The following DYNC2H1 variants were observed in gnomAD, a reference collection of about 807,000 sequenced individuals.
The protein encoded by DYNC2H1 is dynein cytoplasmic 2 heavy chain 1.
DYNC2H1 carries 410 observed loss-of-function variants against 570.0 expected under a neutral mutation model. The observed-to-expected ratio is 0.72, with a 90% CI of 0.66 to 0.78. DYNC2H1 has a LOEUF of 0.78. Among genes scored for constraint, DYNC2H1 ranks in the 30% least tolerant of loss-of-function variants. The pLI is 0.00. For synonymous variants in DYNC2H1, 1,688 were observed against 1,677.6 expected (o/e 1.01, Z -0.15); for missense variants, 4,865 against 5,046.4 (o/e 0.96, Z 1.09).
chr11:103,171,711 G>A (rs1339933222), intron 34 of DYNC2H1, among the ~76,000 whole-genome samples: 1 of 152,216 alleles, frequency 6.6e-6, no homozygotes, highest in South Asian at 2.1e-4. Context: ...TGAAGTAGGT[G>A]CTATTATTTT....
chr11:103,110,976 G>A (rs1382670695), intron 1 of DYNC2H1, among the ~76,000 whole-genome samples: 2 of 152,124 alleles, frequency 1.3e-5, no homozygotes, highest in African/African-American at 4.8e-5. Context: ...CAGGGCATGT[G>A]CCACCACACC....
chr11:103,154,510 C>G lies in DYNC2H1; in HGVS notation c.3362C>G (p.Ser1121Cys). 1 of 1,574,196 alleles carries G rather than the reference C, an allele frequency of 6.4e-7. No individual in the cohort carries two copies. Among genetic ancestry groups the G allele is most frequent in the Non-Finnish European group, 8.6e-7 (1 of 1,159,694 alleles). ...AATTTCTCCCTGGCAAGTAGTATCT[C>G]TAAAGATATCGAGAGCTGTGCCCAA... ...EPNFSLASSI[S>C]KDIESCAQIW... Residue 1121 changes from serine to cysteine, a missense_variant, in exon 23 of 89, where the codon TCT becomes TGT. Around this residue, in one of 5 missense-constraint regions of DYNC2H1, gnomAD observed 1,936 missense variants for 1,962.1 expected, o/e 0.99. Coordinates refer to ENST00000375735, the MANE Select transcript of DYNC2H1 (RefSeq NM_001377.3).
chr11:103,399,917 G>A (rs771707548), intron 84 of DYNC2H1, 45 bp downstream of exon 84: 25 of 1,490,856 alleles, frequency 1.7e-5, no homozygotes, highest in Non-Finnish European at 2.3e-5. Flanking sequence ...ATTGTTATAA[G>A]TGACTCCTCC....
At chr11:103,400,815 C>A (rs1176997694) in intron 84 of DYNC2H1, among the ~76,000 whole-genome samples, 1 of 152,108 alleles carries the variant, frequency 6.6e-6, no homozygotes, top group African/African-American at 2.4e-5. Context: ...TGCTTTTCTA[C>A]ATATACAGAA....
At chr11:103,179,265 TAGA>T in intron 39 of DYNC2H1, 32 bp downstream of exon 39, 1 of 1,575,564 alleles carries the variant, frequency 6.3e-7, no homozygotes, top group Non-Finnish European at 8.7e-7. Flanking sequence ...TACAGTATAT[TAGA>T]ATATTCTTTT....
Position 103,177,793 on chromosome 11 carries a change from G to A in DYNC2H1, c.6112G>A (p.Ala2038Thr). Reference sequence around the variant, plus strand: ...GTCTGATGGTGTTTTGACAAATAGTGCTCGTCAAGTGGTTCGGGAACCTCA... The same window carrying A: ...GTCTGATGGTGTTTTGACAAATAGTACTCGTCAAGTGGTTCGGGAACCTCA... ...EWSDGVLTNS[A>T]RQVVREPQDV... Residue 2038 changes from alanine to threonine, a missense_variant, in exon 38 of 89, where the codon GCT becomes ACT. This residue lies in a region of DYNC2H1 where 231 missense variants were observed against 310.3 expected (regional missense o/e 0.74). Coordinates refer to ENST00000375735, the MANE Select transcript of DYNC2H1 (RefSeq NM_001377.3). This position sits in a 1 kb window ranked among gnomAD's most constrained non-coding sequence, Gnocchi z 4.4. The A allele has an allele frequency of 6.2e-7, 1 of 1,611,754 alleles. No homozygotes were observed. The highest frequency in any genetic ancestry group is 8.5e-7 in the Non-Finnish European group (1 of 1,179,064).
rs377619356 is a variant in DYNC2H1, at chr11:103,269,167, T to C, written c.10695+9190T>C. ...TTCTATTGTGAACATGTGAAAATCATTTTTAAAAAGCTATTTTTAAGACAT... is the reference window on the plus strand; with the variant it reads ...TTCTATTGTGAACATGTGAAAATCACTTTTAAAAAGCTATTTTTAAGACAT... On this transcript the variant is annotated intron_variant, in intron 70 of 88. Transcript: ENST00000375735. Among the ~76,000 whole-genome samples, 4 of 152,320 alleles carry C rather than the reference T, an allele frequency of 2.6e-5. No homozygotes were observed. The East Asian group carries it at 7.7e-4, about 29-fold the overall frequency.
In DYNC2H1 at chr11:103,407,503, G is replaced by A. The variant is rs373859210; in HGVS notation, c.12366+7631G>A. ...ATTGAGACATATGCAGAATGCTAGC[G>A]TAAGTGGTAGAAAATTTTTTCATAG... On this transcript the variant is annotated intron_variant, in intron 84 of 88. Coordinates refer to ENST00000375735, the MANE Select transcript of DYNC2H1 (RefSeq NM_001377.3). 1.2e-4 allele frequency: 18 copies of A among 152,026 alleles called. No individual in the cohort carries two copies. In the East Asian group the frequency reaches 2.1e-3, roughly 18 times the overall value. 9.4% of individuals were successfully genotyped at this position (152,026 alleles called of 1,614,324 possible). A position where few individuals can be genotyped will look rare whatever the true frequency, so the allele number is the denominator to read the frequency against.
chr11:103,386,352 C>G (rs61896837), intron 83 of DYNC2H1, among the ~76,000 whole-genome samples: 1 of 151,912 alleles, frequency 6.6e-6, no homozygotes, highest in African/African-American at 2.4e-5. Context: ...TCTACAGTAG[C>G]TGTTGAAATG....
In DYNC2H1 at chr11:103,115,194, G is replaced by A. The variant is rs757134411; in HGVS notation, c.520G>A (p.Asp174Asn). ...TTTTATAGGTATCCTTACACCAAGC[G>A]ATGAGTTCCAGTTTTGGATAGAACA... ...DDTRGILTPS[D>N]EFQFWIEQAH... is the part of the protein sequence containing the mutation. Residue 174 changes from aspartate (D) to asparagine (N), a missense_variant, in exon 4 of 89, where the codon GAT (aspartate) becomes AAT (asparagine). Physicochemically the swap from Asp to Asn is conservative, Grantham distance 23. Transcript: ENST00000375735. The A allele has an allele frequency of 2.8e-5, 45 of 1,609,390 alleles. 1 individual carries two copies. The highest frequency in any genetic ancestry group is 1.6e-4 in the East Asian group (7 of 44,750).
intron 75 of DYNC2H1, among the ~76,000 whole-genome samples, chr11:103,298,075 C>T (rs769091658): frequency 1.1e-4 from 17 of 152,256 alleles, no homozygotes; most frequent in Middle Eastern, 6.8e-3. Flanking sequence ...CTTCTCTGCT[C>T]CAAGTCTTCT....
intron 3 of DYNC2H1, 46 bp downstream of exon 3, chr11:103,114,284 CATT>C: frequency 6.8e-7 from 1 of 1,469,492 alleles, no homozygotes; most frequent in Non-Finnish European, 9.1e-7. Flanking sequence ...ATGATTGTCT[CATT>C]AATACATTAG....
At chr11:103,116,502 A>T (rs1591261538) in intron 4 of DYNC2H1, 68 bp from the exon 5 acceptor site, 7 of 1,281,018 alleles carry the variant, frequency 5.5e-6, no homozygotes, top group Non-Finnish European at 5.2e-6. Flanking sequence ...AAGGCCTGGG[A>T]ACATTTTGAT....
In DYNC2H1 at chr11:103,465,913, G is replaced by A. The variant is rs313860; in HGVS notation, c.12649-2676G>A. On this transcript the variant is annotated intron_variant, in intron 87 of 88. Coordinates refer to ENST00000375735, the MANE Select transcript of DYNC2H1 (RefSeq NM_001377.3). This position sits in a 1 kb window ranked among gnomAD's most constrained non-coding sequence, Gnocchi z 4.9. ...TTAAAAGACCAGCCCAAGTTCAAGG[G>A]GTAGAAAAGAAACTCCACGTCCTGA... 0.33 allele frequency among the ~76,000 whole-genome samples: 49,956 copies of A among 151,986 alleles called. 9,240 individuals are homozygous for A. Among genetic ancestry groups the A allele is most frequent in the East Asian group, 0.53 (2,718 of 5,170 alleles).
intron 83 of DYNC2H1, among the ~76,000 whole-genome samples, chr11:103,389,572 T>TC (rs1433575693): frequency 1.3e-5 from 2 of 152,242 alleles, no homozygotes; most frequent in East Asian, 3.9e-4. Flanking sequence ...CTTCTCTAGT[T>TC]TTTTAATTGT....
At chr11:103,192,297 T>C (rs1237804069) in intron 47 of DYNC2H1, 33 bp downstream of exon 47, 2 of 1,397,918 alleles carry the variant, frequency 1.4e-6, no homozygotes, top group Admixed American at 2.3e-5. Context: ...AATACATAAC[T>C]ATTACAAGGA....
In DYNC2H1 at chr11:103,199,585, T is replaced by A; in HGVS notation, c.8088+109T>A. 1 of 1,108,686 alleles carries A rather than the reference T, an allele frequency of 9.0e-7. No homozygotes were observed. The highest frequency in any genetic ancestry group is 1.2e-6 in the Non-Finnish European group (1 of 837,798). The allele number at this position is 1,108,686 out of a possible 1,614,324, so 68.7% of individuals were successfully genotyped here. A position where few individuals can be genotyped will look rare whatever the true frequency, so the allele number is the denominator to read the frequency against. Reference sequence around the variant, plus strand: ...TAAAGAACTAAAGTTTTAAAGAACATCTTTAAAGAACTAAAGTTCTCTGTT... The same window carrying A: ...TAAAGAACTAAAGTTTTAAAGAACAACTTTAAAGAACTAAAGTTCTCTGTT... On this transcript the variant is annotated intron_variant, in intron 49 of 88. Transcript: ENST00000375735. This position sits in a 1 kb window ranked among gnomAD's most constrained non-coding sequence, Gnocchi z 4.6.
In DYNC2H1 at chr11:103,343,052, A is replaced by G. The variant is rs541557156; in HGVS notation, c.12040-15191A>G. On this transcript the variant is annotated intron_variant, in intron 82 of 88. Transcript: ENST00000375735. ...CCACTGGACTAAAGACATGGGTATC[A>G]GGCTTTCTGGGAAAAGGCTAACAAC... Among the ~76,000 whole-genome samples the G allele has an allele frequency of 3.6e-3, 554 of 152,288 alleles. 3 individuals are homozygous for G. Among genetic ancestry groups the G allele is most frequent in the Non-Finnish European group, 4.0e-3 (274 of 68,028 alleles).
chr11:103,266,823 G>C (rs1865525929), intron 70 of DYNC2H1, among the ~76,000 whole-genome samples: 1 of 152,158 alleles, frequency 6.6e-6, no homozygotes, highest in African/African-American at 2.4e-5. Context: ...CCAGATTGGG[G>C]CTTCCGGAGA....
Sources: allele counts gnomAD v4.1 joint callset (sites outside exome capture counted in the v4.1 genomes callset), GRCh38; gene constraint gnomAD v4.1.1; regional missense constraint gnomAD v4.1.1; non-coding constraint Gnocchi (gnomAD v3.1); transcripts MANE v1.5; gene names NCBI Gene and HGNC (gene_info 2026-07-23, HGNC 2026-07-21).